The following C12orf54 variants were observed in gnomAD, a reference collection of about 807,000 sequenced individuals.
C12orf54 encodes uncharacterized protein C12orf54.
Under a neutral mutation model 26.4 loss-of-function variants are expected in C12orf54, and 24 were observed. That is an observed-to-expected ratio of 0.91 (90% CI 0.66 to 1.28). The LOEUF (loss-of-function observed/expected upper bound fraction) is 1.28, where lower values mean the gene tolerates loss of function less well. Among genes scored for constraint, C12orf54 ranks in the 50% most tolerant of loss-of-function variants. The pLI is 0.00. For synonymous variants in C12orf54, 54 were observed against 47.0 expected (o/e 1.15, Z -0.61); for missense variants, 154 against 150.9 (o/e 1.02, Z -0.11).
chr12:48,486,195 C>A lies in C12orf54; in HGVS notation c.83C>A (p.Thr28Lys). The change falls in exon 3 of 9, where the codon ACA (threonine) becomes AAA (lysine). Residue 28 changes from threonine to lysine, a missense_variant. Coordinates refer to ENST00000548364, the MANE Select transcript of C12orf54 (RefSeq NM_152319.4). ...CTTTGCAGCACATCCATAGAAGAGA[C>A]AATGAGACCACAGGTGGGTAAGGTA... is the stretch of plus-strand genomic sequence containing the variant. ...KQQRSTSIEE[T>K]MRPQEKQVTI... is the part of the protein sequence containing the mutation. The A allele has an allele frequency of 1.9e-6, 3 of 1,610,934 alleles. No homozygotes were observed. Among genetic ancestry groups the A allele is most frequent in the Non-Finnish European group, 2.5e-6 (3 of 1,177,162 alleles).
At chr12:48,434,033 T>C in the C12orf54 span, among the ~76,000 whole-genome samples, 2 of 152,128 alleles carry the variant, frequency 1.3e-5, no homozygotes, top group Non-Finnish European at 2.9e-5. Flanking sequence ...GGGTGACAGA[T>C]GGCACCTGGA....
the C12orf54 span, among the ~76,000 whole-genome samples, chr12:48,422,792 A>C: frequency 2.0e-5 from 3 of 152,188 alleles, no homozygotes; most frequent in Non-Finnish European, 4.4e-5. Flanking sequence ...ATTTAATTAG[A>C]ATCCTATTTT....
the C12orf54 span, among the ~76,000 whole-genome samples, chr12:48,474,628 G>C: frequency 6.6e-6 from 1 of 152,250 alleles, no homozygotes; most frequent in Non-Finnish European, 1.5e-5. Flanking sequence ...TACGCCCACA[G>C]AGTCTCGCTC....
chr12:48,494,878 G>A lies in C12orf54; in HGVS notation c.323G>A (p.Gly108Asp), dbSNP rs1006235910. The A allele has an allele frequency of 3.1e-6, 5 of 1,613,032 alleles. No individual in the cohort carries two copies. The South Asian group carries it at 3.3e-5, about 11-fold the overall frequency. ...AGCTCTGGAGAGCAGCCATCAGGAG[G>A]CCGTATCCACAACCTGAAGACACAG... ...QFSSGEQPSG[G>D]RIHNLKTQLF... is the part of the protein sequence containing the mutation. Residue 108 changes from glycine to aspartate, a missense_variant, in exon 8 of 9, where the codon GGC becomes GAC. Coordinates refer to ENST00000548364, the MANE Select transcript of C12orf54 (RefSeq NM_152319.4).
chr12:48,486,955 CT>C (rs2137089020), intron 4 of C12orf54, among the ~76,000 whole-genome samples: 1 of 152,306 alleles, frequency 6.6e-6, no homozygotes, highest in Admixed American at 6.5e-5. Context: ...TTGTTTGAAG[CT>C]GTCACAGGTC....
chr12:48,487,935 T>C, intron 4 of C12orf54: 2 of 653,658 alleles, frequency 3.1e-6, no homozygotes, highest in Non-Finnish European at 5.5e-6. Context: ...CTGGATCCTA[T>C]AGCCGCTGAG....
the C12orf54 span, among the ~76,000 whole-genome samples, chr12:48,434,739 A>C: frequency 2.0e-5 from 3 of 152,206 alleles, no homozygotes; most frequent in Admixed American, 6.5e-5. Context: ...CAGAAAGGAC[A>C]TCCACACCAA....
At chr12:48,427,672 A>G in the C12orf54 span, among the ~76,000 whole-genome samples, 1 of 152,144 alleles carries the variant, frequency 6.6e-6, no homozygotes, top group Non-Finnish European at 1.5e-5. Context: ...CCAAATTTAT[A>G]AAATAATTAC....
chr12:48,461,256 G>A, the C12orf54 span, among the ~76,000 whole-genome samples: 3 of 151,906 alleles, frequency 2.0e-5, no homozygotes, highest in Admixed American at 2.0e-4. Context: ...CACAAAGACA[G>A]AGAACTAAGG....
the C12orf54 span, among the ~76,000 whole-genome samples, chr12:48,465,679 A>G: frequency 1.3e-5 from 2 of 152,152 alleles, no homozygotes; most frequent in Non-Finnish European, 2.9e-5. Context: ...CCCATCGATG[A>G]TAGACTGGAT....
chr12:48,488,339 G>A (rs997215288), intron 4 of C12orf54: 2 of 517,618 alleles, frequency 3.9e-6, no homozygotes, highest in Non-Finnish European at 7.3e-6. Flanking sequence ...AGAATGCTGT[G>A]CCCCCTGGTG....
chr12:48,422,376 C>A, the C12orf54 span, among the ~76,000 whole-genome samples: 1 of 152,218 alleles, frequency 6.6e-6, no homozygotes, highest in Non-Finnish European at 1.5e-5. Flanking sequence ...AGAACCATTT[C>A]TTTCCATCAG....
the C12orf54 span, among the ~76,000 whole-genome samples, chr12:48,475,050 T>C: frequency 6.6e-6 from 1 of 152,152 alleles, no homozygotes; most frequent in Non-Finnish European, 1.5e-5. Flanking sequence ...GAGACAAAAC[T>C]TCCAGAGGAA....
intron 4 of C12orf54, chr12:48,488,328 C>T: frequency 1.9e-6 from 1 of 536,870 alleles, no homozygotes; most frequent in Non-Finnish European, 3.5e-6. Context: ...TACCTACAGA[C>T]AGAATGCTGT....
the C12orf54 span, among the ~76,000 whole-genome samples, chr12:48,456,033 T>A: frequency 1.3e-5 from 2 of 152,252 alleles, no homozygotes; most frequent in Non-Finnish European, 2.9e-5. Flanking sequence ...ACAAAAAGTA[T>A]AAGAGCATAT....
At chr12:48,481,214 A>T (rs5015019), upstream of C12orf54, among the ~76,000 whole-genome samples, 24 of 151,398 alleles carry the variant, frequency 1.6e-4, no homozygotes, top group East Asian at 7.9e-4. Flanking sequence ...TTTTTTTAAA[A>T]AAAATGACTT....
the C12orf54 span, among the ~76,000 whole-genome samples, chr12:48,468,957 A>G: frequency 6.6e-6 from 1 of 152,196 alleles, no homozygotes; most frequent in African/African-American, 2.4e-5. Context: ...AGTTTTTATT[A>G]GCGATTTTCA....
the C12orf54 span, among the ~76,000 whole-genome samples, chr12:48,421,065 A>T: frequency 6.6e-6 from 1 of 152,158 alleles, no homozygotes; most frequent in Admixed American, 6.5e-5. Flanking sequence ...CTCTTCTAAG[A>T]TATTTAATTC....
chr12:48,434,533 T>C, the C12orf54 span, among the ~76,000 whole-genome samples: 61 of 152,240 alleles, frequency 4.0e-4, no homozygotes, highest in Middle Eastern at 3.4e-3. Context: ...GACTGACACC[T>C]CACACGGCCG....
Sources: allele counts gnomAD v4.1 joint callset (sites outside exome capture counted in the v4.1 genomes callset), GRCh38; gene constraint gnomAD v4.1.1; transcripts MANE v1.5; gene names NCBI Gene and HGNC (gene_info 2026-07-23, HGNC 2026-07-21).